Variants in PPARGC1A observed in about 807,000 individuals in gnomAD.
The protein encoded by PPARGC1A is PPARG coactivator 1 alpha.
PPARGC1A carries 25 observed loss-of-function variants against 88.7 expected under a neutral mutation model. The observed-to-expected ratio is 0.28, with a 90% CI of 0.21 to 0.39. The LOEUF (loss-of-function observed/expected upper bound fraction) is 0.39. Among genes scored for constraint, PPARGC1A ranks in the 10% least tolerant of loss-of-function variants. The pLI is 1.00. For missense variants in PPARGC1A, 880 were observed against 968.7 expected (o/e 0.91, Z 1.22); for synonymous variants, 363 against 355.6 (o/e 1.02, Z -0.24).
chr4:24,320,458 C>T, the PPARGC1A span, among the ~76,000 whole-genome samples: 4 of 152,188 alleles, frequency 2.6e-5, no homozygotes, highest in Non-Finnish European at 5.9e-5. Flanking sequence ...AATCATGATA[C>T]ACACACTCCT....
chr4:23,995,094 A>T, the PPARGC1A span, among the ~76,000 whole-genome samples: 1 of 151,374 alleles, frequency 6.6e-6, no homozygotes, highest in African/African-American at 2.4e-5. Flanking sequence ...CTAGTTAAAA[A>T]CCCCCAGTGG....
At chr4:24,305,135 A>G in the PPARGC1A span, among the ~76,000 whole-genome samples, 1 of 147,252 alleles carries the variant, frequency 6.8e-6, no homozygotes, top group Non-Finnish European at 1.5e-5. Context: ...ATGTGTATGT[A>G]TATATATATA....
the PPARGC1A span, among the ~76,000 whole-genome samples, chr4:24,205,306 A>T: frequency 6.6e-6 from 1 of 152,178 alleles, no homozygotes; most frequent in Non-Finnish European, 1.5e-5. Flanking sequence ...TCATCTCTGT[A>T]GTCCCTTAGA....
At chr4:24,220,999 T>C in the PPARGC1A span, among the ~76,000 whole-genome samples, 1 of 152,004 alleles carries the variant, frequency 6.6e-6, no homozygotes, top group African/African-American at 2.4e-5. Context: ...GAAAAAAAAA[T>C]GAGGACATCT....
At chr4:24,015,773 G>A in the PPARGC1A span, among the ~76,000 whole-genome samples, 5 of 152,262 alleles carry the variant, frequency 3.3e-5, no homozygotes, top group Non-Finnish European at 5.9e-5. Context: ...GTACAAAGCC[G>A]CTCAGAGAAA....
the PPARGC1A span, among the ~76,000 whole-genome samples, chr4:23,964,485 G>T: frequency 1.3e-5 from 2 of 152,294 alleles, no homozygotes; most frequent in Admixed American, 1.3e-4. Flanking sequence ...TCACTGCTGT[G>T]CAGAATATAG....
the PPARGC1A span, among the ~76,000 whole-genome samples, chr4:23,920,457 A>C: frequency 6.6e-6 from 1 of 152,322 alleles, no homozygotes; most frequent in South Asian, 2.1e-4. Context: ...ATCCATTACC[A>C]CTGAACTAAC....
the PPARGC1A span, among the ~76,000 whole-genome samples, chr4:24,059,651 G>T: frequency 1.3e-5 from 2 of 152,248 alleles, no homozygotes; most frequent in South Asian, 2.1e-4. Context: ...CTTGACAAGG[G>T]TCACTTCCCC....
the PPARGC1A span, among the ~76,000 whole-genome samples, chr4:23,984,035 T>C: frequency 4.6e-5 from 7 of 152,164 alleles, no homozygotes; most frequent in Non-Finnish European, 7.4e-5. Flanking sequence ...AAATTATATA[T>C]ACAATTTATG....
At chr4:24,071,585 AAT>A in the PPARGC1A span, among the ~76,000 whole-genome samples, 2 of 152,144 alleles carry the variant, frequency 1.3e-5, no homozygotes, top group East Asian at 3.9e-4. Context: ...TTAAATGACA[AAT>A]ACATTGGTGA....
chr4:23,842,732 A>C (rs1038613716), intron 2 of PPARGC1A, among the ~76,000 whole-genome samples: 3 of 152,132 alleles, frequency 2.0e-5, no homozygotes, highest in Non-Finnish European at 2.9e-5. Context: ...CCCTCAGTTG[A>C]GAACAACTGC....
At chr4:24,307,371 G>A in the PPARGC1A span, among the ~76,000 whole-genome samples, 1 of 152,094 alleles carries the variant, frequency 6.6e-6, no homozygotes, top group Admixed American at 6.5e-5. Context: ...AATATATATT[G>A]CAAAATTAAA....
upstream of PPARGC1A, among the ~76,000 whole-genome samples, chr4:23,906,313 A>C (rs1720024303): frequency 6.6e-6 from 1 of 152,034 alleles, no homozygotes. Flanking sequence ...GAAAAATCTT[A>C]TTATAAAGAT....
Position 23,836,783 on chromosome 4 carries a change from G to A in PPARGC1A, c.235-5032C>T, listed in dbSNP as rs73802993. Reference sequence around the variant, plus strand: ...TTTGGGTCTTCTTCCTTTGTGCACAGTTGGCAAAAGGATCTTCCAACTGGT... The same window carrying A: ...TTTGGGTCTTCTTCCTTTGTGCACAATTGGCAAAAGGATCTTCCAACTGGT... On this transcript the variant is annotated intron_variant, in intron 2 of 12. Coordinates refer to ENST00000264867, the MANE Select transcript of PPARGC1A (RefSeq NM_013261.5). Among the ~76,000 whole-genome samples, 249 of 152,266 alleles carry A rather than the reference G, an allele frequency of 1.6e-3. 1 individual carries two copies. Among genetic ancestry groups the A allele is most frequent in the African/African-American group, 5.8e-3 (241 of 41,554 alleles).
chr4:23,948,621 C>T, the PPARGC1A span, among the ~76,000 whole-genome samples: 886 of 152,252 alleles, frequency 5.8e-3, 45 homozygotes, highest in East Asian at 0.094. Context: ...ATTTGCAGAG[C>T]GAGCTCATTG....
the PPARGC1A span, among the ~76,000 whole-genome samples, chr4:24,218,962 G>C: frequency 1.3e-5 from 2 of 152,128 alleles, no homozygotes; most frequent in Non-Finnish European, 2.9e-5. Flanking sequence ...ACATTCATAA[G>C]GTCAATCCTC....
chr4:24,446,660 G>A, the PPARGC1A span, among the ~76,000 whole-genome samples: 3 of 149,000 alleles, frequency 2.0e-5, no homozygotes, highest in East Asian at 2.0e-4. Flanking sequence ...GCAGTGGTGC[G>A]ATCTTGGCTG....
chr4:24,152,018 G>A, the PPARGC1A span, among the ~76,000 whole-genome samples: 108 of 152,328 alleles, frequency 7.1e-4, no homozygotes, highest in African/African-American at 2.5e-3. Flanking sequence ...GAGATGCTTT[G>A]TGGAGCAAAC....
At chr4:23,900,360 C>T (rs1053033503), upstream of PPARGC1A, among the ~76,000 whole-genome samples, 1 of 152,142 alleles carries the variant, frequency 6.6e-6, no homozygotes, top group Admixed American at 6.5e-5. Context: ...TGGGGTCAGA[C>T]AATGTAGATC....
Sources: allele counts gnomAD v4.1 joint callset (sites outside exome capture counted in the v4.1 genomes callset), GRCh38; gene constraint gnomAD v4.1.1; transcripts MANE v1.5; gene names NCBI Gene and HGNC (gene_info 2026-07-23, HGNC 2026-07-21).